RAVER2: variants seen among roughly 807,000 people sequenced by gnomAD.
RAVER2 encodes ribonucleoprotein PTB-binding 2.
In RAVER2, 46 loss-of-function variants were observed where a neutral mutation model predicts 78.1. That is an observed-to-expected ratio of 0.59 (90% CI 0.46 to 0.75). The LOEUF (loss-of-function observed/expected upper bound fraction) is 0.75. RAVER2 is among the 30% of genes least tolerant of loss of function. RAVER2 has a pLI of 0.00. For missense variants in RAVER2, 793 were observed against 837.5 expected (o/e 0.95, Z 0.66); for synonymous variants, 311 against 313.3 (o/e 0.99, Z 0.08).
At chr1:64,764,048 C>G (rs1652106371) in intron 1 of RAVER2, among the ~76,000 whole-genome samples, 1 of 151,936 alleles carries the variant, frequency 6.6e-6, no homozygotes, top group Non-Finnish European at 1.5e-5. Flanking sequence ...AAACTAGAAA[C>G]AGTTCAAATT....
rs1316249647 is a variant in RAVER2, at chr1:64,777,547, C to CA, written c.317-75dup. 4.9e-6 allele frequency: 6 copies of CA among 1,234,572 alleles called. No homozygotes were observed. The African/African-American group carries it at 9.1e-5, about 19-fold the overall frequency. 76.5% of individuals were successfully genotyped at this position (1,234,572 alleles called of 1,614,324 possible). A position where few individuals can be genotyped will look rare whatever the true frequency, so the allele number is the denominator to read the frequency against. On this transcript the variant is annotated intron_variant, in intron 2 of 11. Transcript: ENST00000294428. Reference sequence around the variant, plus strand: ...AGGTGTATGTTTATGTGTACCAAGTCACAGAAGTAAGATATATTTCTTACT... The same window carrying CA: ...AGGTGTATGTTTATGTGTACCAAGTCAACAGAAGTAAGATATATTTCTTACT...
At chr1:64,808,530 C>T (rs1258315497) in intron 9 of RAVER2, among the ~76,000 whole-genome samples, 2 of 146,498 alleles carry the variant, frequency 1.4e-5, no homozygotes, top group African/African-American at 5.1e-5. Flanking sequence ...GACACAACCT[C>T]GGCTCACTGC....
At chr1:64,745,085 C>A (rs1312206770), upstream of RAVER2, 3 of 996,426 alleles carry the variant, frequency 3.0e-6, no homozygotes, top group Non-Finnish European at 3.6e-6. This position sits in a 1 kb window ranked among gnomAD's most constrained non-coding sequence, Gnocchi z 4.3. Context: ...CTCTGCCCGC[C>A]TCGCCCTCGC....
In RAVER2 at chr1:64,805,254, G is replaced by A. The variant is rs569852277; in HGVS notation, c.1411+149G>A. 104 of 676,202 alleles carry A rather than the reference G, an allele frequency of 1.5e-4. 1 individual carries two copies. In the South Asian group the frequency reaches 1.9e-3, roughly 12 times the overall value. 41.9% of individuals were successfully genotyped at this position (676,202 alleles called of 1,614,324 possible). On this transcript the variant is annotated intron_variant, in intron 8 of 11. Transcript: ENST00000294428. ...ATTTTGAGAACCCTCTTGGCTTTTC[G>A]ATTTTCAATATTGGTAAGTTACTGA...
intron 5 of RAVER2, among the ~76,000 whole-genome samples, chr1:64,801,125 G>A (rs1653251208): frequency 1.3e-5 from 2 of 150,902 alleles, no homozygotes; most frequent in Non-Finnish European, 3.0e-5. Context: ...TTGAAATGGA[G>A]TCTCACTCTG....
chr1:64,753,260 G>T (rs149037162), intron 1 of RAVER2, among the ~76,000 whole-genome samples: 4 of 152,056 alleles, frequency 2.6e-5, no homozygotes, highest in Admixed American at 2.6e-4. Context: ...TTGCCATGTT[G>T]CTCAGGCTGG....
At chr1:64,750,586 T>C (rs1557579504) in intron 1 of RAVER2, among the ~76,000 whole-genome samples, 1 of 152,188 alleles carries the variant, frequency 6.6e-6, no homozygotes, top group Non-Finnish European at 1.5e-5. Flanking sequence ...AAAAAAGAAT[T>C]ATCTTACATA....
At chr1:64,811,469 A>G (rs990983252) in intron 9 of RAVER2, among the ~76,000 whole-genome samples, 2 of 152,172 alleles carry the variant, frequency 1.3e-5, no homozygotes, top group African/African-American at 4.8e-5. Context: ...TCAAGAAACA[A>G]TGTCATGACA....
chr1:64,750,311 T>TC (rs1651663792), intron 1 of RAVER2, among the ~76,000 whole-genome samples: 1 of 151,246 alleles, frequency 6.6e-6, no homozygotes, highest in African/African-American at 2.4e-5. Flanking sequence ...TCTTTTCTTT[T>TC]TTTTTTTTTT....
chr1:64,752,327 G>A (rs1338159817), intron 1 of RAVER2, among the ~76,000 whole-genome samples: 1 of 152,104 alleles, frequency 6.6e-6, no homozygotes, highest in African/African-American at 2.4e-5. Flanking sequence ...TTTAAAAGTC[G>A]GTTTCTATCC....
chr1:64,765,891 T>A (rs973827625), intron 1 of RAVER2, among the ~76,000 whole-genome samples: 1 of 152,186 alleles, frequency 6.6e-6, no homozygotes, highest in Non-Finnish European at 1.5e-5. Flanking sequence ...AACATTTTTT[T>A]AAAAACTGAA....
intron 2 of RAVER2, among the ~76,000 whole-genome samples, chr1:64,776,432 G>A (rs1652467373): frequency 6.6e-6 from 1 of 152,222 alleles, no homozygotes. Flanking sequence ...AGTGTGGTGA[G>A]ATGCTCTTAC....
chr1:64,810,916 T>C (rs1021779064), intron 9 of RAVER2, among the ~76,000 whole-genome samples: 1 of 152,068 alleles, frequency 6.6e-6, no homozygotes, highest in African/African-American at 2.4e-5. Flanking sequence ...TTTGAAAAAG[T>C]TTGAAAAAAC....
intron 7 of RAVER2, 38 bp downstream of exon 7, chr1:64,804,876 ATTTCT>A (rs1306659131): frequency 1.3e-6 from 2 of 1,512,348 alleles, no homozygotes. Context: ...AAATCAGTTC[ATTTCT>A]TTTCTAGAAT....
intron 1 of RAVER2, among the ~76,000 whole-genome samples, chr1:64,746,531 T>A (rs1206938299): frequency 3.9e-5 from 6 of 152,212 alleles, no homozygotes; most frequent in Non-Finnish European, 8.8e-5. Flanking sequence ...AGTTCTTCCA[T>A]GTGACTTATA....
At chr1:64,784,196 A>G (rs955501368) in intron 4 of RAVER2, among the ~76,000 whole-genome samples, 4 of 152,142 alleles carry the variant, frequency 2.6e-5, no homozygotes, top group Non-Finnish European at 4.4e-5. Context: ...CTAGTCTGGG[A>G]AACATGGTGA....
chr1:64,781,916 A>G (rs1652641618), intron 4 of RAVER2, among the ~76,000 whole-genome samples: 1 of 151,494 alleles, frequency 6.6e-6, no homozygotes, highest in Non-Finnish European at 1.5e-5. Flanking sequence ...TTTTTTTTTA[A>G]ATTTTGAAAT....
intron 9 of RAVER2, among the ~76,000 whole-genome samples, chr1:64,812,100 C>T (rs1401447362): frequency 6.6e-6 from 1 of 151,876 alleles, no homozygotes; most frequent in Non-Finnish European, 1.5e-5. Flanking sequence ...AATCTCAACA[C>T]TTTGGTGTTG....
intron 10 of RAVER2, among the ~76,000 whole-genome samples, chr1:64,813,973 G>T (rs966784859): frequency 2.0e-5 from 3 of 152,002 alleles, no homozygotes; most frequent in African/African-American, 7.3e-5. Flanking sequence ...CACCCAGGCT[G>T]GAGTGCTGTG....
Sources: allele counts gnomAD v4.1 joint callset (sites outside exome capture counted in the v4.1 genomes callset), GRCh38; gene constraint gnomAD v4.1.1; non-coding constraint Gnocchi (gnomAD v3.1); transcripts MANE v1.5; gene names NCBI Gene and HGNC (gene_info 2026-07-23, HGNC 2026-07-21).